Variants in KCNH5 observed in about 807,000 individuals in gnomAD.
The protein encoded by KCNH5 is voltage-gated delayed rectifier potassium channel KCNH5.
KCNH5 carries 46 observed loss-of-function variants against 96.1 expected under a neutral mutation model. That is an observed-to-expected ratio of 0.48 (90% CI 0.38 to 0.61). The LOEUF is 0.61. Ranked by LOEUF, KCNH5 falls within the 20% of genes least tolerant of loss-of-function variation. The pLI is 0.00. For synonymous variants in KCNH5, 439 were observed against 449.8 expected, an observed-to-expected ratio of 0.98 and a Z score of 0.30; for missense variants, 907 against 1,225.8, an observed-to-expected ratio of 0.74 and a Z score of 3.88.
chr14:62,942,926 C>G (rs1889815501), intron 7 of KCNH5, among the ~76,000 whole-genome samples: 1 of 152,140 alleles, frequency 6.6e-6, no homozygotes, highest in Admixed American at 6.6e-5. Flanking sequence ...ATGGGTCAGC[C>G]TGTCTCAATT....
chr14:62,777,121 A>C (rs904163798), intron 10 of KCNH5, among the ~76,000 whole-genome samples: 1 of 152,262 alleles, frequency 6.6e-6, no homozygotes, highest in Non-Finnish European at 1.5e-5. Context: ...ATAAGAACAA[A>C]ATGTTTTCAT....
chr14:62,922,765 C>T (rs1418065785), intron 7 of KCNH5, among the ~76,000 whole-genome samples: 1 of 151,892 alleles, frequency 6.6e-6, no homozygotes, highest in African/African-American at 2.4e-5. Flanking sequence ...TAAAAACTCT[C>T]AACACATTAG....
chr14:62,961,211 C>T (rs985058613), intron 6 of KCNH5, among the ~76,000 whole-genome samples: 3 of 152,112 alleles, frequency 2.0e-5, no homozygotes, highest in African/African-American at 7.2e-5. Flanking sequence ...CTTAACACAA[C>T]CTACCCCTGC....
chr14:62,799,726 T>TATATATATACACACAC (rs1213484157), intron 9 of KCNH5, among the ~76,000 whole-genome samples: 33 of 68,654 alleles, frequency 4.8e-4, no homozygotes, highest in Non-Finnish European at 9.2e-4. Flanking sequence ...TATATATATA[T>TATATATATACACACAC]ACACACACAC....
At chr14:62,745,597 C>T (rs567465463) in intron 10 of KCNH5, among the ~76,000 whole-genome samples, 2 of 152,258 alleles carry the variant, frequency 1.3e-5, no homozygotes, top group African/African-American at 2.4e-5. Context: ...GCCAGAGAGA[C>T]TCCAAACATC....
In KCNH5 at chr14:62,784,207, A is replaced by G. The variant is rs780845212; in HGVS notation, c.1823-4283T>C. Among the ~76,000 whole-genome samples the G allele has an allele frequency of 1.6e-4, 24 of 152,266 alleles. No individual in the cohort carries two copies. In the South Asian group the frequency reaches 1.7e-3, roughly 11 times the overall value. On this transcript the variant is annotated intron_variant, in intron 9 of 10. Coordinates refer to ENST00000322893, the MANE Select transcript of KCNH5 (RefSeq NM_139318.5). ...AGAGCGCTTGTACAGGGGAACTCCC[A>G]TTTATAAAGCCATCAGATCTCATGA...
chr14:62,937,241 G>A lies in KCNH5; in HGVS notation c.1369+12892C>T, dbSNP rs940853328. On this transcript the variant is annotated intron_variant, in intron 7 of 10. Transcript: ENST00000322893. ...ACCCTCATGTTTTGCTGGTCTTACC[G>A]TATGTCTGGAATCTAACCAATCCTA... 2.6e-5 allele frequency among the ~76,000 whole-genome samples: 4 copies of A among 152,014 alleles called. No homozygotes were observed. The South Asian group carries it at 6.2e-4, about 24-fold the overall frequency.
rs769498088 is a variant in KCNH5 at position 62,980,861 on chromosome 14, G to GA, written c.942+10dup. On this transcript the variant is annotated intron_variant, in intron 6 of 10. Coordinates refer to ENST00000322893, the MANE Select transcript of KCNH5 (RefSeq NM_139318.5). ...CCCACAGTACTCAGAAAACCAAAAC[G>GA]AAAAACTTACCTCATCCACATTTTC... is the stretch of plus-strand genomic sequence containing the variant. 3 of 1,611,410 alleles carry GA rather than the reference G, an allele frequency of 1.9e-6. No homozygotes were observed. Among genetic ancestry groups the GA allele is most frequent in the Non-Finnish European group, 2.5e-6 (3 of 1,179,496 alleles).
chr14:62,955,139 G>A (rs369529330), intron 6 of KCNH5, among the ~76,000 whole-genome samples: 50 of 151,512 alleles, frequency 3.3e-4, no homozygotes, highest in African/African-American at 9.4e-4. Flanking sequence ...GAAAGGAACT[G>A]GAAAAAGGGA....
At chr14:62,820,152 A>G (rs1887085564) in intron 8 of KCNH5, among the ~76,000 whole-genome samples, 1 of 152,164 alleles carries the variant, frequency 6.6e-6, no homozygotes, top group South Asian at 2.1e-4. Context: ...AAATATAGGC[A>G]GCAGCTCTGA....
In KCNH5 at chr14:62,701,148, G is replaced by A. The variant is rs1179384415; in HGVS notation, c.*6360C>T. The A allele has an allele frequency of 1.3e-5, 2 of 152,118 alleles. No homozygotes were observed. The highest frequency in any genetic ancestry group is 1.9e-4 in the East Asian group (1 of 5,186). 9.4% of individuals were successfully genotyped at this position (152,118 alleles called of 1,614,324 possible). On this transcript the variant is annotated 3_prime_UTR_variant, in exon 11 of 11. Coordinates refer to ENST00000322893, the MANE Select transcript of KCNH5 (RefSeq NM_139318.5). ...ATCAAAATGCAGCCCAACCAGCCAA[G>A]TGCTTAGGGGATTGGGTTTGTAGGT...
chr14:63,010,034 G>A (rs112102068), intron 2 of KCNH5, among the ~76,000 whole-genome samples: 1 of 152,084 alleles, frequency 6.6e-6, no homozygotes, highest in Non-Finnish European at 1.5e-5. Context: ...TCTTACATAG[G>A]ATGCCAAGCT....
At chr14:62,854,407 T>C (rs1020321251) in intron 7 of KCNH5, among the ~76,000 whole-genome samples, 3 of 152,142 alleles carry the variant, frequency 2.0e-5, no homozygotes, top group Non-Finnish European at 4.4e-5. Context: ...GTTATAAATA[T>C]ACAGAAGGAA....
intron 7 of KCNH5, among the ~76,000 whole-genome samples, chr14:62,886,254 T>C (rs539553425): frequency 6.6e-6 from 1 of 152,270 alleles, no homozygotes; most frequent in East Asian, 1.9e-4. Context: ...CTGGAACCCA[T>C]CAACCCAAAA....
intron 1 of KCNH5, among the ~76,000 whole-genome samples, chr14:63,037,041 A>G (rs1891734527): frequency 6.6e-6 from 1 of 152,188 alleles, no homozygotes; most frequent in Non-Finnish European, 1.5e-5. Flanking sequence ...AACATCAACT[A>G]TAGAAAGTGC....
rs559036037 is a variant in KCNH5, at chr14:62,928,727, C to T, written c.1369+21406G>A. Among the ~76,000 whole-genome samples the T allele has an allele frequency of 4.6e-5, 7 of 152,084 alleles. No homozygotes were observed. The South Asian group carries it at 1.5e-3, about 32-fold the overall frequency. ...AACTTCCCATGGCTGCTCACTCATCCCTCCTTGAAACACTTTCCTCAGCTG... is the reference window on the plus strand; with the variant it reads ...AACTTCCCATGGCTGCTCACTCATCTCTCCTTGAAACACTTTCCTCAGCTG... On this transcript the variant is annotated intron_variant, in intron 7 of 10. Coordinates refer to ENST00000322893, the MANE Select transcript of KCNH5 (RefSeq NM_139318.5).
At chr14:62,739,849 G>A (rs10141683) in intron 10 of KCNH5, among the ~76,000 whole-genome samples, 83,010 of 151,980 alleles carry the variant, frequency 0.55, 23,618 homozygotes, top group African/African-American at 0.69. Context: ...AAGGATGCCA[G>A]TAGAACATTA....
intron 10 of KCNH5, among the ~76,000 whole-genome samples, chr14:62,772,391 TA>T (rs1292923281): frequency 6.6e-6 from 1 of 152,092 alleles, no homozygotes; most frequent in East Asian, 1.9e-4. Flanking sequence ...GTAATCCCAG[TA>T]CTTCAAGAAG....
chr14:62,720,072 G>A (rs981367360), intron 10 of KCNH5, among the ~76,000 whole-genome samples: 88 of 152,344 alleles, frequency 5.8e-4, no homozygotes, highest in African/African-American at 2.0e-3. Context: ...CAGAGTGGTT[G>A]AGTATCTATG....
Sources: gnomAD v4.1 joint callset for allele counts (sites outside exome capture counted in the v4.1 genomes callset) on GRCh38, gnomAD v4.1.1 for gene constraint, MANE v1.5 for transcripts, NCBI Gene and HGNC (gene_info 2026-07-23, HGNC 2026-07-21) for gene names.